Variants in SYNPR observed in about 807,000 individuals in gnomAD.
SYNPR encodes the protein synaptoporin.
In SYNPR, 23 loss-of-function variants were observed where a neutral mutation model predicts 32.9. That is an observed-to-expected ratio of 0.70 (90% CI 0.50 to 0.99). SYNPR has a LOEUF of 0.99. Ranked by LOEUF, SYNPR falls within the 50% of genes least tolerant of loss-of-function variation. The pLI is 0.00. For missense variants in SYNPR, 318 were observed against 349.3 expected (o/e 0.91, Z 0.71); for synonymous variants, 146 against 135.9 (o/e 1.07, Z -0.52).
chr3:63,331,113 C>T (rs1480613073), intron 2 of SYNPR, among the ~76,000 whole-genome samples: 1 of 152,200 alleles, frequency 6.6e-6, no homozygotes, highest in Admixed American at 6.5e-5. Context: ...ACTATGACCA[C>T]ACTGTGCCTA....
chr3:63,584,282 A>G (rs970524839), intron 4 of SYNPR, among the ~76,000 whole-genome samples: 1 of 152,120 alleles, frequency 6.6e-6, no homozygotes, highest in African/African-American at 2.4e-5. Flanking sequence ...TGGTTATGGT[A>G]GATGTGGAAA....
intron 2 of SYNPR, among the ~76,000 whole-genome samples, chr3:63,294,830 G>A (rs938126957): frequency 1.3e-5 from 2 of 151,918 alleles, no homozygotes; most frequent in African/African-American, 2.4e-5. Flanking sequence ...AATAATACTC[G>A]TAAATGTTAG....
intron 2 of SYNPR, among the ~76,000 whole-genome samples, chr3:63,264,612 T>C (rs1281957083): frequency 6.6e-6 from 1 of 152,176 alleles, no homozygotes; most frequent in Non-Finnish European, 1.5e-5. Context: ...TTCCGTGAAG[T>C]AAGTGGTAGC....
chr3:63,363,618 G>T (rs183983904), intron 2 of SYNPR, among the ~76,000 whole-genome samples: 1 of 152,136 alleles, frequency 6.6e-6, no homozygotes, highest in African/African-American at 2.4e-5. Context: ...TCTGATCCTC[G>T]TTTTCTTCTC....
In SYNPR at chr3:63,615,458, A is replaced by G. The variant is rs1224859519; in HGVS notation, c.835A>G (p.Thr279Ala). Residue 279 changes from threonine (T) to alanine (A), a missense_variant, in exon 6 of 6, where the codon ACT becomes GCT. Transcript: ENST00000478300. ...DEFGQQPTGP[T>A]SFTNQI ...GTTTGGCCAACAGCCTACTGGCCCC[A>G]CTTCCTTTACCAATCAGATTTAACA... 1.2e-6 allele frequency: 2 copies of G among 1,613,978 alleles called. No individual in the cohort carries two copies. The highest frequency in any genetic ancestry group is 2.2e-5 in the East Asian group (1 of 44,886).
intron 3 of SYNPR, among the ~76,000 whole-genome samples, chr3:63,513,988 G>A (rs566208520): frequency 3.9e-5 from 6 of 152,082 alleles, no homozygotes; most frequent in Non-Finnish European, 5.9e-5. Flanking sequence ...GACACAAGCC[G>A]ATCTTCTTCC....
At chr3:63,218,668 C>A in the SYNPR span, among the ~76,000 whole-genome samples, 1 of 152,206 alleles carries the variant, frequency 6.6e-6, no homozygotes, top group Admixed American at 6.5e-5. Context: ...CCGCCTCAGC[C>A]TCCAAAAGTC....
At chr3:63,251,477 C>T (rs1398877056) in intron 1 of SYNPR, among the ~76,000 whole-genome samples, 2 of 151,960 alleles carry the variant, frequency 1.3e-5, no homozygotes, top group East Asian at 3.9e-4. Flanking sequence ...CTTGTTTTTG[C>T]CTGGAAAATG....
upstream of SYNPR, among the ~76,000 whole-genome samples, chr3:63,225,347 C>T (rs77595898): frequency 1.8e-4 from 27 of 152,288 alleles, no homozygotes; most frequent in East Asian, 3.1e-3. Context: ...TGTGATATGA[C>T]CAATGGGCAA....
intron 2 of SYNPR, among the ~76,000 whole-genome samples, chr3:63,300,577 C>T (rs1315536071): frequency 6.6e-6 from 1 of 152,004 alleles, no homozygotes; most frequent in Non-Finnish European, 1.5e-5. Flanking sequence ...AAAGGTAGTC[C>T]CTGCTCTAGA....
chr3:63,244,380 C>T (rs982002884), intron 1 of SYNPR, among the ~76,000 whole-genome samples: 1 of 152,070 alleles, frequency 6.6e-6, no homozygotes, highest in Non-Finnish European at 1.5e-5. Flanking sequence ...CTGCAATACA[C>T]AACCAGTTAG....
intron 2 of SYNPR, among the ~76,000 whole-genome samples, chr3:63,427,272 A>G (rs1006008184): frequency 1.5e-4 from 23 of 151,926 alleles, no homozygotes; most frequent in African/African-American, 4.8e-4. Flanking sequence ...ATTGATATAC[A>G]AGACAAACCA....
intron 2 of SYNPR, among the ~76,000 whole-genome samples, chr3:63,419,644 TC>T (rs2088582279): frequency 6.6e-6 from 1 of 152,160 alleles, no homozygotes; most frequent in Non-Finnish European, 1.5e-5. Flanking sequence ...GCAACTATGG[TC>T]CCCCACATTT....
chr3:63,492,479 T>G (rs1286439568), intron 3 of SYNPR, among the ~76,000 whole-genome samples: 1 of 152,212 alleles, frequency 6.6e-6, no homozygotes, highest in Non-Finnish European at 1.5e-5. Context: ...CTCAAAGCAT[T>G]AATTTATATA....
chr3:63,206,319 T>A, the SYNPR span, among the ~76,000 whole-genome samples: 1 of 152,028 alleles, frequency 6.6e-6, no homozygotes, highest in African/African-American at 2.4e-5. Context: ...AATAGAAAAA[T>A]CACACAATAT....
At chr3:63,399,930 T>G (rs1328418342) in intron 2 of SYNPR, among the ~76,000 whole-genome samples, 2 of 152,198 alleles carry the variant, frequency 1.3e-5, no homozygotes, top group Non-Finnish European at 2.9e-5. Context: ...CATTATTTTG[T>G]GCGTATCCTA....
In SYNPR at chr3:63,585,917, T is replaced by G. The variant is rs535514199; in HGVS notation, c.409-23208T>G. Among the ~76,000 whole-genome samples, 24 of 152,224 alleles carry G rather than the reference T, an allele frequency of 1.6e-4. No homozygotes were observed. In the South Asian group the frequency reaches 4.6e-3, roughly 29 times the overall value. On this transcript the variant is annotated intron_variant, in intron 4 of 5. Transcript: ENST00000478300. ...CCTAGAACCCAGGTCTATCTTCTCC[T>G]TCCATCTGTCAGAATAAAAACATCT...
At chr3:63,209,933 G>T in the SYNPR span, among the ~76,000 whole-genome samples, 2 of 152,104 alleles carry the variant, frequency 1.3e-5, no homozygotes, top group Non-Finnish European at 2.9e-5. Context: ...TGCTGGATGG[G>T]TGCTTGAGAA....
intron 4 of SYNPR, among the ~76,000 whole-genome samples, chr3:63,594,378 G>T (rs1198758517): frequency 6.6e-6 from 1 of 152,128 alleles, no homozygotes; most frequent in African/African-American, 2.4e-5. Context: ...GTCATTATGA[G>T]AATTAAATGA....
Sources: gnomAD v4.1 joint callset for allele counts (sites outside exome capture counted in the v4.1 genomes callset) on GRCh38, gnomAD v4.1.1 for gene constraint, MANE v1.5 for transcripts, NCBI Gene and HGNC (gene_info 2026-07-23, HGNC 2026-07-21) for gene names.